Variants in COL23A1 observed in about 807,000 individuals in gnomAD.
The protein encoded by COL23A1 is collagen alpha-1(XXIII) chain.
COL23A1 carries 97 observed loss-of-function variants against 99.3 expected under a neutral mutation model. The ratio of observed to expected loss-of-function variants is 0.98; its 90% CI spans 0.83 to 1.16. The LOEUF is 1.16. Ranked by LOEUF, COL23A1 falls within the 50% of genes most tolerant of loss-of-function variation. The pLI, the probability that COL23A1 is intolerant of heterozygous loss-of-function variation, is 0.00. For synonymous variants in COL23A1, 320 were observed against 308.2 expected (o/e 1.04, Z -0.40); for missense variants, 762 against 757.4 (o/e 1.01, Z -0.07).
At chr5:178,423,662 C>A (rs1765755025) in intron 2 of COL23A1, among the ~76,000 whole-genome samples, 1 of 152,162 alleles carries the variant, frequency 6.6e-6, no homozygotes, top group Non-Finnish European at 1.5e-5. Context: ...ACAGCCCTGG[C>A]ACGTCCCCTC....
intron 2 of COL23A1, among the ~76,000 whole-genome samples, 175 bp downstream of exon 2, chr5:178,560,507 T>C (rs1026217109): frequency 2.0e-5 from 3 of 152,156 alleles, no homozygotes; most frequent in African/African-American, 7.2e-5. Flanking sequence ...TTTACTTTGC[T>C]GGAAACCGAC....
intron 2 of COL23A1, among the ~76,000 whole-genome samples, chr5:178,441,116 A>G (rs1206666588): frequency 6.6e-6 from 1 of 152,144 alleles, no homozygotes; most frequent in Non-Finnish European, 1.5e-5. Context: ...GAAATTACCC[A>G]ATAAGACGTC....
At position 178,308,868 on chromosome 5, in the gene COL23A1, A is replaced by C. The variant is rs1299531170; in HGVS notation, c.362-1949T>G. 6.6e-6 allele frequency among the ~76,000 whole-genome samples: 1 copy of C among 151,946 alleles called. No homozygotes were observed. The highest frequency in any genetic ancestry group is 2.4e-5 in the African/African-American group (1 of 41,364). The stretch of plus-strand genomic sequence containing the variant: ...CCTCTCTGGGCCTGTTTTCAATGAG[A>C]GCGAGGTACGGGAACGGGAGCCCCC... On this transcript the variant is annotated intron_variant, in intron 2 of 28. Transcript: ENST00000390654. This position sits in a 1 kb window ranked among gnomAD's most constrained non-coding sequence, Gnocchi z 5.1.
At chr5:178,351,963 C>T (rs1233218863) in intron 2 of COL23A1, 3 of 152,174 alleles carry the variant, frequency 2.0e-5, no homozygotes, top group East Asian at 1.9e-4. Flanking sequence ...GAGGCCTCGC[C>T]GGAAATCAAC....
rs148321749 is a variant in COL23A1, at chr5:178,503,237, C to T, written c.361+57445G>A. Among the ~76,000 whole-genome samples the T allele has an allele frequency of 3.3e-3, 505 of 152,176 alleles. 2 individuals are homozygous for T. The highest frequency in any genetic ancestry group is 0.012 in the African/African-American group (485 of 41,526). On this transcript the variant is annotated intron_variant, in intron 2 of 28. Transcript: ENST00000390654. Reference sequence around the variant, plus strand: ...GTCTGCTAAAAATACAAGAATTAGCCAAGCGTGGTGGCTGAGATAAGAGAA... The same window carrying T: ...GTCTGCTAAAAATACAAGAATTAGCTAAGCGTGGTGGCTGAGATAAGAGAA...
At chr5:178,532,518 G>A (rs575149976) in intron 2 of COL23A1, among the ~76,000 whole-genome samples, 5 of 152,184 alleles carry the variant, frequency 3.3e-5, no homozygotes, top group African/African-American at 4.8e-5. Context: ...CACTTCACTC[G>A]AGTCAAACAG....
At chr5:178,588,450 A>T (rs547244672) in intron 1 of COL23A1, among the ~76,000 whole-genome samples, 4 of 152,316 alleles carry the variant, frequency 2.6e-5, no homozygotes, top group African/African-American at 9.6e-5. Flanking sequence ...CCACACTTAT[A>T]GCGCTAACAG....
chr5:178,567,685 T>A (rs1378631983), intron 1 of COL23A1, among the ~76,000 whole-genome samples: 1 of 152,144 alleles, frequency 6.6e-6, no homozygotes, highest in Admixed American at 6.5e-5. Flanking sequence ...GAGCAGAGAT[T>A]GTGCCACTGC....
intron 2 of COL23A1, among the ~76,000 whole-genome samples, chr5:178,383,531 G>T (rs1003375695): frequency 6.6e-6 from 1 of 152,224 alleles, no homozygotes; most frequent in Non-Finnish European, 1.5e-5. Context: ...TGGGATGCTG[G>T]TTACCCCATT....
chr5:178,446,603 C>T (rs1767171859), intron 2 of COL23A1, among the ~76,000 whole-genome samples: 1 of 152,084 alleles, frequency 6.6e-6, no homozygotes, highest in Non-Finnish European at 1.5e-5. Context: ...ATGATAGCCA[C>T]CGCTGTCATA....
In COL23A1 at chr5:178,309,944, G is replaced by A. The variant is rs1028220096; in HGVS notation, c.362-3025C>T. Among the ~76,000 whole-genome samples, 26 of 152,298 alleles carry A rather than the reference G, an allele frequency of 1.7e-4. No homozygotes were observed. Among genetic ancestry groups the A allele is most frequent in the Non-Finnish European group, 2.9e-4 (20 of 68,022 alleles). On this transcript the variant is annotated intron_variant, in intron 2 of 28. Transcript: ENST00000390654. This position sits in a 1 kb window ranked among gnomAD's most constrained non-coding sequence, Gnocchi z 4.7. ...GTGTGTTCAGGGGAGGAAGGGCGGG[G>A]GGGAGAGGGAGGGAGGGAGAAGGGG...
At position 178,562,734 on chromosome 5, in the gene COL23A1, GGT is replaced by G. The variant is rs1019125345; in HGVS notation, c.295-1988_295-1987del. 2 of 116,186 alleles carry G rather than the reference GGT, an allele frequency of 1.7e-5. 1 individual carries two copies. The highest frequency in any genetic ancestry group is 7.8e-5 in the African/African-American group (2 of 25,796). 7.2% of individuals were successfully genotyped at this position (116,186 alleles called of 1,614,324 possible). A position where few individuals can be genotyped will look rare whatever the true frequency, so the allele number is the denominator to read the frequency against. On this transcript the variant is annotated intron_variant, in intron 1 of 28. Coordinates refer to ENST00000390654, the MANE Select transcript of COL23A1 (RefSeq NM_173465.4). The stretch of plus-strand genomic sequence containing the variant: ...ACGCAGGTTGCTGCCGCTGGCTGGT[GGT>G]GGGGGGGGTGCGGGCTTTTATTCCG...
intron 2 of COL23A1, among the ~76,000 whole-genome samples, chr5:178,379,046 C>A (rs1422699143): frequency 6.6e-6 from 1 of 152,142 alleles, no homozygotes; most frequent in African/African-American, 2.4e-5. Context: ...CATTTCACTG[C>A]AGAAACATTA....
chr5:178,504,988 T>C (rs925289004), intron 2 of COL23A1, among the ~76,000 whole-genome samples: 5 of 152,148 alleles, frequency 3.3e-5, no homozygotes, highest in South Asian at 4.1e-4. Context: ...ATCAGCTTCC[T>C]GGGGTGGCCA....
chr5:178,274,503 AGCAGCTGGGC>A (rs1413992175), intron 5 of COL23A1, among the ~76,000 whole-genome samples: 1 of 151,120 alleles, frequency 6.6e-6, no homozygotes, highest in Non-Finnish European at 1.5e-5. Context: ...GGCTGTTCTG[AGCAGCTGGGC>A]GGTCTGGAAG....
intron 3 of COL23A1, among the ~76,000 whole-genome samples, chr5:178,303,451 G>A (rs1581116153): frequency 6.6e-6 from 1 of 152,338 alleles, no homozygotes; most frequent in East Asian, 1.9e-4. Flanking sequence ...CCAGAGTTCT[G>A]AAAAGGTCCA....
intron 2 of COL23A1, among the ~76,000 whole-genome samples, chr5:178,393,787 C>G (rs1183051263): frequency 6.6e-6 from 1 of 152,094 alleles, no homozygotes; most frequent in South Asian, 2.1e-4. Context: ...AGGTGTGCAC[C>G]ACCACGCCTG....
chr5:178,495,509 G>C (rs190339031), intron 2 of COL23A1, among the ~76,000 whole-genome samples: 1 of 152,274 alleles, frequency 6.6e-6, no homozygotes, highest in African/African-American at 2.4e-5. Flanking sequence ...GAATCCTCTG[G>C]AGAGATGCTA....
At position 178,242,209 on chromosome 5, in the gene COL23A1, G is replaced by A. The variant is rs1764441639; in HGVS notation, c.1495-81C>T. On this transcript the variant is annotated intron_variant, in intron 26 of 28. Coordinates refer to ENST00000390654, the MANE Select transcript of COL23A1 (RefSeq NM_173465.4). Reference sequence around the variant, plus strand: ...CAACATCTCTCCGAGAGAAGCGCGTGGGGCCAGCCTCCCCCTGCCTCCGCC... The same window carrying A: ...CAACATCTCTCCGAGAGAAGCGCGTAGGGCCAGCCTCCCCCTGCCTCCGCC... 4.8e-6 allele frequency: 7 copies of A among 1,466,844 alleles called. No individual in the cohort carries two copies. In the South Asian group the frequency reaches 7.3e-5, roughly 15 times the overall value. 90.9% of individuals were successfully genotyped at this position (1,466,844 alleles called of 1,614,324 possible). A position where few individuals can be genotyped will look rare whatever the true frequency, so the allele number is the denominator to read the frequency against.
Sources: gnomAD v4.1 joint callset for allele counts (sites outside exome capture counted in the v4.1 genomes callset) on GRCh38, gnomAD v4.1.1 for gene constraint, Gnocchi (gnomAD v3.1) non-coding constraint, MANE v1.5 for transcripts, NCBI Gene and HGNC (gene_info 2026-07-23, HGNC 2026-07-21) for gene names.